TCF3: variants seen among roughly 807,000 people sequenced by gnomAD.
TCF3 encodes the protein transcription factor 3.
TCF3 carries 54 observed loss-of-function variants against 72.3 expected under a neutral mutation model. The ratio of observed to expected loss-of-function variants is 0.75; its 90% confidence interval spans 0.60 to 0.94. TCF3 has a LOEUF of 0.94. TCF3 is among the 40% of genes least tolerant of loss of function. The pLI is 0.00. For missense variants in TCF3, 1,078 were observed against 934.4 expected (o/e 1.15, Z -2.00); for synonymous variants, 525 against 412.6 (o/e 1.27, Z -3.30).
rs753782948 is a variant in TCF3, at chr19:1,646,371, C to T, written c.129G>A (p.Ala43=). 1.4e-5 allele frequency: 21 copies of T among 1,550,366 alleles called. No individual in the cohort carries two copies. The highest frequency in any genetic ancestry group is 8.3e-5 in the South Asian group (7 of 84,036). The part of the protein sequence containing the change: ...GKGRPASLAG[A]QFGGSGLEDR... ...GGGTCCTACCTGAACCTCCGAACTG[C>T]GCCCCGGCCAGGGAGGCGGGCCGGC... is the stretch of plus-strand genomic sequence containing the variant. Residue 43 remains alanine, a synonymous_variant, in exon 3 of 19, where the codon GCG becomes GCA. Transcript: ENST00000262965.
chr19:1,631,126 G>A (rs1389978965), intron 5 of TCF3, among the ~76,000 whole-genome samples: 1 of 152,200 alleles, frequency 6.6e-6, no homozygotes, highest in African/African-American at 2.4e-5. Flanking sequence ...AGGGCCTGCA[G>A]AGCTGGGTCA....
intron 3 of TCF3, among the ~76,000 whole-genome samples, chr19:1,644,468 C>CA (rs1337285875): frequency 5.3e-5 from 8 of 152,116 alleles, no homozygotes; most frequent in Non-Finnish European, 8.8e-5. Flanking sequence ...CCCTCAAGGG[C>CA]AAAAAATGCA....
Position 1,615,542 on chromosome 19 carries a change from GGGGCCAGA to G in TCF3, c.1587-30_1587-23del. On this transcript the variant is annotated intron_variant, in intron 17 of 18. Transcript: ENST00000262965. This position sits in a 1 kb window ranked among gnomAD's most constrained non-coding sequence, Gnocchi z 7.3. ...TGGGCTATGGGGAGGGCGCCGGGAG[GGGGCCAGA>G]GGGAGACAGTGAGGTTGGGGGAAGA... The G allele has an allele frequency of 6.2e-7, 1 of 1,605,144 alleles. No homozygotes were observed. Among genetic ancestry groups the G allele is most frequent in the Non-Finnish European group, 8.5e-7 (1 of 1,179,786 alleles).
chr19:1,630,805 G>A (rs926481383), intron 5 of TCF3, among the ~76,000 whole-genome samples: 2 of 152,096 alleles, frequency 1.3e-5, no homozygotes, highest in African/African-American at 2.4e-5. Flanking sequence ...CAAGCAGCGG[G>A]ACCCCCCCAA....
rs1008086744 is a variant in TCF3, at chr19:1,627,620, G to A, written c.299-194C>T. Among the ~76,000 whole-genome samples the A allele has an allele frequency of 7.2e-5, 11 of 152,284 alleles. 1 individual carries two copies. Among genetic ancestry groups the A allele is most frequent in the African/African-American group, 2.4e-4 (10 of 41,558 alleles). On this transcript the variant is annotated intron_variant, in intron 5 of 18. Transcript: ENST00000262965. ...CCTGGCCCCAGTATGCCCATCTCCC[G>A]CAGAGCCCTGCCCTCAGTGTGCCCA...
intron 2 of TCF3, among the ~76,000 whole-genome samples, chr19:1,648,821 G>A (rs113369704): frequency 1.8e-5 from 2 of 111,942 alleles, no homozygotes; most frequent in African/African-American, 3.2e-5. Context: ...TGGGCATGGG[G>A]GGGGGGGGGG....
intron 3 of TCF3, among the ~76,000 whole-genome samples, chr19:1,644,751 G>A (rs899157977): frequency 5.3e-5 from 8 of 152,122 alleles, no homozygotes; most frequent in African/African-American, 1.9e-4. Flanking sequence ...ACAGTGGTCC[G>A]TGCCAGGGCT....
intron 16 of TCF3, among the ~76,000 whole-genome samples, chr19:1,617,458 GC>G (rs1290609003): frequency 2.0e-5 from 3 of 152,250 alleles, no homozygotes; most frequent in African/African-American, 7.2e-5. Context: ...GGTACACAGT[GC>G]CCCAAATGAA....
In TCF3 at chr19:1,622,157, A is replaced by G; in HGVS notation, c.719T>C (p.Leu240Pro). 1 of 1,578,752 alleles carries G rather than the reference A, an allele frequency of 6.3e-7. No homozygotes were observed. The highest frequency in any genetic ancestry group is 8.6e-7 in the Non-Finnish European group (1 of 1,164,862). Residue 240 changes from leucine (L) to proline (P), a missense_variant, in exon 10 of 19, where the codon CTG (leucine) becomes CCG (proline). Coordinates refer to ENST00000262965, the MANE Select transcript of TCF3 (RefSeq NM_003200.5). ...PPGQAGFGPM[L>P]GGGSSPLPLP... ...GGGCAGCGGGGATGAGCCCCCACCC[A>G]GCATGGGCCCGAAGCCCGCCTGGCC...
At chr19:1,649,519 C>T (rs2066666329) in intron 2 of TCF3, among the ~76,000 whole-genome samples, 1 of 152,192 alleles carries the variant, frequency 6.6e-6, no homozygotes, top group African/African-American at 2.4e-5. Flanking sequence ...AAGTGATTCT[C>T]CTTGCCTCAG....
rs1034104356 is a variant in TCF3, at chr19:1,610,394, T to A, written c.*1313A>T. The A allele has an allele frequency of 2.2e-5, 5 of 224,986 alleles. No individual in the cohort carries two copies. The Admixed American group carries it at 2.9e-4, about 13-fold the overall frequency. The allele number at this position is 224,986 out of a possible 1,614,324, so 13.9% of individuals were successfully genotyped here. On this transcript the variant is annotated 3_prime_UTR_variant, in exon 19 of 19. Coordinates refer to ENST00000262965, the MANE Select transcript of TCF3 (RefSeq NM_003200.5). ...CCCTGGCATCCTGTCTACGTCACGA[T>A]GGCCCTCTGGTGTAATGGGGACATG...
chr19:1,638,734 C>T (rs1025951384), intron 3 of TCF3, among the ~76,000 whole-genome samples: 3 of 152,172 alleles, frequency 2.0e-5, no homozygotes, highest in Non-Finnish European at 2.9e-5. Flanking sequence ...CGGCCTTAAA[C>T]GTGTTATTCA....
In TCF3 at chr19:1,622,243, A is replaced by G; in HGVS notation, c.653-20T>C. On this transcript the variant is annotated intron_variant, in intron 9 of 18. Transcript: ENST00000262965. ...TGCCATCTGTGGAGGGGAGCTGGTAAGGTGGGGGCCGAGTGGGGAACCCCA... is the reference window on the plus strand; with the variant it reads ...TGCCATCTGTGGAGGGGAGCTGGTAGGGTGGGGGCCGAGTGGGGAACCCCA... 4.6e-6 allele frequency: 7 copies of G among 1,524,672 alleles called. No homozygotes were observed. Among genetic ancestry groups the G allele is most frequent in the Non-Finnish European group, 6.2e-6 (7 of 1,135,244 alleles). The allele number at this position is 1,524,672 out of a possible 1,614,324, so 94.4% of individuals were successfully genotyped here.
chr19:1,651,331 C>G (rs1301571893), intron 1 of TCF3: 1 of 228,388 alleles, frequency 4.4e-6, no homozygotes, highest in African/African-American at 2.2e-5. Flanking sequence ...GACCCAACTT[C>G]AGAAGCAGAG....
chr19:1,615,499 G>GTAGTCC lies in TCF3; in HGVS notation c.1607_1608insGGACTA (p.Asp536delinsGluAspTyr), dbSNP rs1555717911. On this transcript the variant is annotated protein_altering_variant, in exon 18 of 19. Transcript: ENST00000262965. The surrounding 1 kb of genome is among the most constrained non-coding windows in gnomAD (Gnocchi z 7.3). ...CGGCCTTCTGCTCTGGGGGGAGAAGGTCGTCCTCGTCCTCGTCTGGGCTAT... is the reference window on the plus strand; with the variant it reads ...CGGCCTTCTGCTCTGGGGGGAGAAGGTAGTCCTCGTCCTCGTCCTCGTCTGGGCTAT... 6.2e-7 allele frequency: 1 copy of GTAGTCC among 1,609,678 alleles called. No homozygotes were observed. The highest frequency in any genetic ancestry group is 1.7e-5 in the Admixed American group (1 of 60,010).
chr19:1,642,610 A>G (rs1453307210), intron 3 of TCF3, among the ~76,000 whole-genome samples: 1 of 152,160 alleles, frequency 6.6e-6, no homozygotes, highest in East Asian at 1.9e-4. Flanking sequence ...TCTATTAAAC[A>G]AGTGGCAGGT....
intron 2 of TCF3, among the ~76,000 whole-genome samples, chr19:1,647,401 C>T (rs1267091421): frequency 6.6e-6 from 1 of 152,244 alleles, no homozygotes; most frequent in African/African-American, 2.4e-5. Flanking sequence ...ACACCTTCCC[C>T]AGCCAGCCAG....
chr19:1,621,940 C>A lies in TCF3; in HGVS notation c.853G>T (p.Gly285Cys). 1 of 1,606,124 alleles carries A rather than the reference C, an allele frequency of 6.2e-7. No homozygotes were observed. Among genetic ancestry groups the A allele is most frequent in the Middle Eastern group, 1.7e-4 (1 of 6,038 alleles). ...AAGGAGGATGCAGATGGGAGCCCAC[C>A]GTTCACCTCTGCTCCATGCAGCTGG... ...GYQLHGAEVN[G>C]GLPSASSFSS... is the part of the protein sequence containing the mutation. Residue 285 changes from glycine (G) to cysteine (C), a missense_variant, in exon 11 of 19, where the codon GGT (glycine) becomes TGT (cysteine). Gly to Cys is a radical substitution (Grantham distance 159). Transcript: ENST00000262965.
At chr19:1,619,055 C>T in intron 16 of TCF3, 56 bp downstream of exon 16, 1 of 1,597,390 alleles carries the variant, frequency 6.3e-7, no homozygotes, top group Non-Finnish European at 8.5e-7. Context: ...CACTAGAGTG[C>T]CTCAGTTTCC....
Sources: allele counts gnomAD v4.1 joint callset (sites outside exome capture counted in the v4.1 genomes callset), GRCh38; gene constraint gnomAD v4.1.1; non-coding constraint Gnocchi (gnomAD v3.1); transcripts MANE v1.5; gene names NCBI Gene and HGNC (gene_info 2026-07-23, HGNC 2026-07-21).